Variants in SLC22A23 observed in about 807,000 individuals in gnomAD.
SLC22A23 encodes the protein ion transporter protein.
A neutral mutation model predicts 61.0 loss-of-function variants in SLC22A23; 26 were observed. That is an observed-to-expected ratio of 0.43 (90% CI 0.31 to 0.59). The LOEUF (loss-of-function observed/expected upper bound fraction) is 0.59, where lower values mean the gene tolerates loss of function less well. Among genes scored for constraint, SLC22A23 ranks in the 20% least tolerant of loss-of-function variants. SLC22A23 has a pLI of 0.11. For missense variants in SLC22A23, 796 were observed against 934.7 expected, an observed-to-expected ratio of 0.85 and a Z score of 1.94; for synonymous variants, 430 against 413.9, an observed-to-expected ratio of 1.04 and a Z score of -0.47.
chr6:3,447,682 G>A (rs188529940), intron 1 of SLC22A23, among the ~76,000 whole-genome samples: 96 of 143,338 alleles, frequency 6.7e-4, no homozygotes, highest in African/African-American at 2.1e-3. Flanking sequence ...TCCGCCTCCC[G>A]GGTTCACGCC....
intron 3 of SLC22A23, among the ~76,000 whole-genome samples, chr6:3,400,355 G>A (rs751492612): frequency 6.6e-6 from 1 of 152,150 alleles, no homozygotes; most frequent in African/African-American, 2.4e-5. Context: ...AGCTTGCTGC[G>A]AGCCCAGAGA....
intron 8 of SLC22A23, 123 bp from the exon 9 acceptor site, chr6:3,284,098 G>A: frequency 7.1e-6 from 7 of 990,116 alleles, no homozygotes; most frequent in East Asian, 2.7e-5. Flanking sequence ...GGATGGGTAT[G>A]CAATTCCCTC....
At chr6:3,448,094 G>T (rs1771997445) in intron 1 of SLC22A23, among the ~76,000 whole-genome samples, 1 of 150,912 alleles carries the variant, frequency 6.6e-6, no homozygotes, top group South Asian at 2.1e-4. Flanking sequence ...GTAGAGGCGG[G>T]GTTTCACCAT....
intron 3 of SLC22A23, among the ~76,000 whole-genome samples, chr6:3,383,974 A>G (rs574215292): frequency 1.3e-5 from 2 of 152,226 alleles, no homozygotes; most frequent in Non-Finnish European, 2.9e-5. Context: ...CTGGTACCCT[A>G]AAGTCCCTCA....
chr6:3,296,215 C>T (rs1022229566), intron 5 of SLC22A23, among the ~76,000 whole-genome samples: 3 of 152,224 alleles, frequency 2.0e-5, no homozygotes, highest in African/African-American at 7.2e-5. Context: ...AACGAGCAAG[C>T]ATGGCCCCGC....
At position 3,441,502 on chromosome 6, in the gene SLC22A23, A is replaced by G. The variant is rs530458483; in HGVS notation, c.654+14404T>C. Among the ~76,000 whole-genome samples the G allele has an allele frequency of 3.3e-5, 5 of 152,114 alleles. No homozygotes were observed. The South Asian group carries it at 8.3e-4, about 25-fold the overall frequency. On this transcript the variant is annotated intron_variant, in intron 1 of 9. Coordinates refer to ENST00000406686, the MANE Select transcript of SLC22A23 (RefSeq NM_015482.2). ...CACATGTCCCTTCCCCACCTTCATC[A>G]GCTCCTCACAGAAGAGGTCCTCTCT...
At chr6:3,395,276 T>C (rs571525824) in intron 3 of SLC22A23, among the ~76,000 whole-genome samples, 21 of 152,318 alleles carry the variant, frequency 1.4e-4, no homozygotes, top group Admixed American at 1.1e-3. Flanking sequence ...AAAGGCCACA[T>C]GTCACCATGA....
In SLC22A23 at chr6:3,386,949, C is replaced by T. The variant is rs1767351525; in HGVS notation, c.913+23239G>A. Among the ~76,000 whole-genome samples, 1 of 152,254 alleles carries T rather than the reference C, an allele frequency of 6.6e-6. No homozygotes were observed. On this transcript the variant is annotated intron_variant, in intron 3 of 9. Transcript: ENST00000406686. This position sits in a 1 kb window ranked among gnomAD's most constrained non-coding sequence, Gnocchi z 4.4. ...AGACCACCACTCCAGCCTTTGAAAT[C>T]AACAACAACCACACACAACTCTTCT...
intron 9 of SLC22A23, chr6:3,282,370 G>C (rs1407839534): frequency 3.6e-5 from 25 of 697,796 alleles, no homozygotes; most frequent in Non-Finnish European, 6.3e-5. Flanking sequence ...ATCATACAAT[G>C]CCTTGGCATT....
In SLC22A23 at chr6:3,324,139, C is replaced by T; in HGVS notation, c.914-137G>A. The T allele has an allele frequency of 9.2e-7, 1 of 1,082,220 alleles. No individual in the cohort carries two copies. Among genetic ancestry groups the T allele is most frequent in the Non-Finnish European group, 1.3e-6 (1 of 756,968 alleles). 67.0% of individuals were successfully genotyped at this position (1,082,220 alleles called of 1,614,324 possible). ...TTCATCTGCTGCCCACCACAAGTGC[C>T]CTATGTGGTGTGCCAGTGTTTTACG... On this transcript the variant is annotated intron_variant, in intron 3 of 9. Coordinates refer to ENST00000406686, the MANE Select transcript of SLC22A23 (RefSeq NM_015482.2). This position sits in a 1 kb window ranked among gnomAD's most constrained non-coding sequence, Gnocchi z 4.3.
At chr6:3,426,683 C>CT (rs1770515505) in intron 1 of SLC22A23, among the ~76,000 whole-genome samples, 1 of 151,294 alleles carries the variant, frequency 6.6e-6, no homozygotes, top group Non-Finnish European at 1.5e-5. Flanking sequence ...TTTTTTCTTG[C>CT]TTTATTTAGC....
chr6:3,306,344 C>A (rs7770075), intron 4 of SLC22A23, among the ~76,000 whole-genome samples: 117,886 of 152,180 alleles, frequency 0.77, 46,153 homozygotes, highest in Non-Finnish European at 0.83. Flanking sequence ...TGTGCAAACT[C>A]TATCACCCAG....
chr6:3,448,104 T>C (rs1252491166), intron 1 of SLC22A23, among the ~76,000 whole-genome samples: 1 of 151,562 alleles, frequency 6.6e-6, no homozygotes, highest in Non-Finnish European at 1.5e-5. Flanking sequence ...GGTTTCACCA[T>C]GTCGGTCAGG....
At chr6:3,415,078 AAGG>A (rs1769589901) in intron 2 of SLC22A23, among the ~76,000 whole-genome samples, 1 of 152,234 alleles carries the variant, frequency 6.6e-6, no homozygotes, top group African/African-American at 2.4e-5. Flanking sequence ...GGGGTGTTGT[AAGG>A]AGATGTTAAT....
chr6:3,298,445 A>G (rs141091694), intron 4 of SLC22A23, among the ~76,000 whole-genome samples: 54 of 152,160 alleles, frequency 3.5e-4, no homozygotes, highest in African/African-American at 1.2e-3. Context: ...AGTTAACCAC[A>G]TGTTCTCACC....
intron 3 of SLC22A23, among the ~76,000 whole-genome samples, chr6:3,359,931 A>T (rs1483899129): frequency 1.3e-5 from 2 of 152,108 alleles, no homozygotes; most frequent in Admixed American, 1.3e-4. Flanking sequence ...TTTTTTTCTT[A>T]TTTTCACTTA....
chr6:3,431,082 A>G (rs7760496), intron 1 of SLC22A23, among the ~76,000 whole-genome samples: 67,564 of 136,724 alleles, frequency 0.49, 17,575 homozygotes, highest in South Asian at 0.71. Context: ...AAAAAAAAAA[A>G]AAAGAAAGAA....
Position 3,409,757 on chromosome 6 carries a change from G to A in SLC22A23, c.913+431C>T, listed in dbSNP as rs117611983. On this transcript the variant is annotated intron_variant, in intron 3 of 9. Coordinates refer to ENST00000406686, the MANE Select transcript of SLC22A23 (RefSeq NM_015482.2). ...TGTCATTTACTTTTCCAGTACCAAT[G>A]CTTAGGTCTCAGTTCCAGACCACTT... 7.2e-4 allele frequency among the ~76,000 whole-genome samples: 110 copies of A among 152,288 alleles called. 1 individual carries two copies. The East Asian group carries it at 0.02, about 28-fold the overall frequency.
At chr6:3,440,580 G>T (rs538724704) in intron 1 of SLC22A23, among the ~76,000 whole-genome samples, 1 of 151,980 alleles carries the variant, frequency 6.6e-6, no homozygotes, top group Non-Finnish European at 1.5e-5. Flanking sequence ...GGTGGCGGGC[G>T]CCTGTAATCC....
Sources: allele counts gnomAD v4.1 joint callset (sites outside exome capture counted in the v4.1 genomes callset), GRCh38; gene constraint gnomAD v4.1.1; non-coding constraint Gnocchi (gnomAD v3.1); transcripts MANE v1.5; gene names NCBI Gene and HGNC (gene_info 2026-07-23, HGNC 2026-07-21).